The following EXPH5 variants were observed in gnomAD, a reference collection of about 807,000 sequenced individuals.
EXPH5 encodes exophilin 5, also known as exophilin-5.
Under a neutral mutation model 41.1 loss-of-function variants are expected in EXPH5, and 42 were observed. That is an observed-to-expected ratio of 1.02 (90% confidence interval 0.80 to 1.32). The LOEUF (loss-of-function observed/expected upper bound fraction) is 1.32, where lower values mean the gene tolerates loss of function less well. Among genes scored for constraint, EXPH5 ranks in the 40% most tolerant of loss-of-function variants. The pLI, the probability that EXPH5 is intolerant of heterozygous loss-of-function variation, is 0.00. For synonymous variants in EXPH5, 798 were observed against 833.5 expected (o/e 0.96, Z 0.73); for missense variants, 2,298 against 2,314.5 (o/e 0.99, Z 0.15).
At chr11:108,524,466 T>C (rs1353369953) in intron 4 of EXPH5, among the ~76,000 whole-genome samples, 5 of 152,224 alleles carry the variant, frequency 3.3e-5, no homozygotes, top group African/African-American at 1.2e-4. Flanking sequence ...GGTAGAAAAG[T>C]ATCCCACAGG....
chr11:108,575,182 T>C (rs377268418), intron 1 of EXPH5, among the ~76,000 whole-genome samples: 75 of 152,326 alleles, frequency 4.9e-4, no homozygotes, highest in African/African-American at 1.6e-3. Context: ...AATCACAGCA[T>C]TAGAAATTAA....
Position 108,512,483 on chromosome 11 carries a change from G to A in EXPH5, c.3024C>T (p.Ser1008=). 1 of 1,614,002 alleles carries A rather than the reference G, an allele frequency of 6.2e-7. No homozygotes were observed. Residue 1008 remains serine (S), a synonymous_variant, in exon 6 of 6, where the codon AGC becomes AGT. Coordinates refer to ENST00000265843, the MANE Select transcript of EXPH5 (RefSeq NM_015065.3). ...TGTCAAGTTCAGAAACTTTGGAATT[G>A]CTTTGATTTGCTTCAATGAGGCTCC... ...DHRSLIEANQ[S]NSKVSELDTI... is the part of the protein sequence containing the mutation.
intron 1 of EXPH5, among the ~76,000 whole-genome samples, chr11:108,585,346 G>A (rs2094110069): frequency 6.6e-6 from 1 of 152,242 alleles, no homozygotes. Flanking sequence ...TCAAGGTGAT[G>A]GTAGTAAGGG....
At chr11:108,583,672 C>CAAAAAAAAAAAAAAAA in intron 1 of EXPH5, among the ~76,000 whole-genome samples, 1 of 133,802 alleles carries the variant, frequency 7.5e-6, no homozygotes, top group African/African-American at 3.2e-5. Context: ...AAAAAATTAA[C>CAAAAAAAAAAAAAAAA]AAAAAAATAA....
At chr11:108,567,854 A>G (rs2094041350) in intron 1 of EXPH5, 1 of 152,184 alleles carries the variant, frequency 6.6e-6, no homozygotes, top group African/African-American at 2.4e-5. Context: ...ATATTTAAGC[A>G]AATTCTGGAA....
chr11:108,578,919 T>C (rs1211311906), intron 1 of EXPH5, among the ~76,000 whole-genome samples: 2 of 152,234 alleles, frequency 1.3e-5, no homozygotes, highest in Non-Finnish European at 2.9e-5. Context: ...TTTAGGATTT[T>C]TGTTTTAAAT....
intron 2 of EXPH5, among the ~76,000 whole-genome samples, chr11:108,540,000 A>G (rs2093903664): frequency 6.6e-6 from 1 of 152,180 alleles, no homozygotes; most frequent in African/African-American, 2.4e-5. Context: ...TCAAAAATTC[A>G]AAGGCAACAT....
chr11:108,599,022 C>CG, the EXPH5 span, among the ~76,000 whole-genome samples: 1 of 4,892 alleles, frequency 2.0e-4, no homozygotes, highest in African/African-American at 6.7e-4. Flanking sequence ...GTAAGCCCTC[C>CG]GGAAAAAGAG....
chr11:108,568,177 G>GGT lies in EXPH5; in HGVS notation c.119+25240_119+25241insAC, dbSNP rs1555198204. 2.7e-5 allele frequency: 4 copies of GGT among 147,196 alleles called. No homozygotes were observed. The East Asian group carries it at 7.9e-4, about 29-fold the overall frequency. The allele number at this position is 147,196 out of a possible 1,614,324, so 9.1% of individuals were successfully genotyped here. A position where few individuals can be genotyped will look rare whatever the true frequency, so the allele number is the denominator to read the frequency against. ...GAAATAAAGTGTCTTACTTTTTTTGGGAGGGGGGGAGGGCGTCTCAATAAT... is the reference window on the plus strand; with the variant it reads ...GAAATAAAGTGTCTTACTTTTTTTGGGTGAGGGGGGGAGGGCGTCTCAATAAT... On this transcript the variant is annotated intron_variant, in intron 1 of 5. Coordinates refer to ENST00000265843, the MANE Select transcript of EXPH5 (RefSeq NM_015065.3).
At chr11:108,583,371 CAA>C (rs1483749862) in intron 1 of EXPH5, among the ~76,000 whole-genome samples, 5 of 132,518 alleles carry the variant, frequency 3.8e-5, no homozygotes, top group African/African-American at 1.4e-4. Context: ...GATTCTGTCT[CAA>C]AAAAAAAAAT....
At position 108,510,305 on chromosome 11, in the gene EXPH5, G is replaced by A. The variant is rs774288841; in HGVS notation, c.5202C>T (p.Pro1734=). Residue 1734 remains proline (P), a synonymous_variant, in exon 6 of 6, where the codon CCC becomes CCT. Transcript: ENST00000265843. The part of the protein sequence containing the change: ...NLVRESGAPS[P]ITFTSLREAE... ...CTTCCCTGAGGCTGGTGAATGTGATGGGTGATGGGGCTCCTGATTCTCTTA... is the reference window on the plus strand; with the variant it reads ...CTTCCCTGAGGCTGGTGAATGTGATAGGTGATGGGGCTCCTGATTCTCTTA... 4 of 1,614,174 alleles carry A rather than the reference G, an allele frequency of 2.5e-6. No individual in the cohort carries two copies. Among genetic ancestry groups the A allele is most frequent in the Non-Finnish European group, 3.4e-6 (4 of 1,180,034 alleles).
rs1488659830 is a variant in EXPH5 at position 108,510,205 on chromosome 11, T to C, written c.5302A>G (p.Ser1768Gly). The C allele has an allele frequency of 1.2e-6, 2 of 1,613,990 alleles. No individual in the cohort carries two copies. The highest frequency in any genetic ancestry group is 1.1e-5 in the South Asian group (1 of 91,048). Residue 1768 changes from serine to glycine, a missense_variant, in exon 6 of 6, where the codon AGT becomes GGT. Transcript: ENST00000265843. ...LEPAQKSRVS[S>G]PLASFLQQQR... ...TGCTGCAGAAAACTGGCCAGTGGAC[T>C]GCTTACTCTAGATTTCTGTGCAGGC...
At position 108,574,078 on chromosome 11, in the gene EXPH5, T is replaced by TG. The variant is rs1448141574; in HGVS notation, c.119+19339_119+19340insC. Among the ~76,000 whole-genome samples, 11 of 107,892 alleles carry TG rather than the reference T, an allele frequency of 1.0e-4. No individual in the cohort carries two copies. In the South Asian group the frequency reaches 1.5e-3, roughly 15 times the overall value. The allele number at this position is 107,892 out of a possible 152,430, so 70.8% of individuals were successfully genotyped here. A position where few individuals can be genotyped will look rare whatever the true frequency, so the allele number is the denominator to read the frequency against. Reference sequence around the variant, plus strand: ...CACCACGCCCGGCTAATTTTGTGTGTTTTTTTTTTTTTAGTAGAGACGGGG... The same window carrying TG: ...CACCACGCCCGGCTAATTTTGTGTGTGTTTTTTTTTTTTAGTAGAGACGGGG... On this transcript the variant is annotated intron_variant, in intron 1 of 5. Coordinates refer to ENST00000265843, the MANE Select transcript of EXPH5 (RefSeq NM_015065.3).
Position 108,593,662 on chromosome 11 carries a change from G to C in EXPH5, c.-126C>G. ...CAGCCAATAATAAGTCCGCCCCTTT[G>C]AAAGTCTAAAACCACAAACCTAGGG... On this transcript the variant is annotated 5_prime_UTR_variant, in exon 1 of 6. Transcript: ENST00000265843. 1.3e-6 allele frequency: 2 copies of C among 1,573,676 alleles called. No homozygotes were observed. The highest frequency in any genetic ancestry group is 2.3e-5 in the South Asian group (2 of 88,046).
chr11:108,579,810 A>C (rs1205564693), intron 1 of EXPH5, among the ~76,000 whole-genome samples: 1 of 152,178 alleles, frequency 6.6e-6, no homozygotes, highest in African/African-American at 2.4e-5. Flanking sequence ...GTGCAAATGG[A>C]GAGAGTTCCA....
intron 1 of EXPH5, among the ~76,000 whole-genome samples, chr11:108,564,667 A>G (rs1333269159): frequency 6.6e-6 from 1 of 152,200 alleles, no homozygotes; most frequent in Non-Finnish European, 1.5e-5. Context: ...AAGGATGAAC[A>G]TGTTTTAATG....
intron 1 of EXPH5, among the ~76,000 whole-genome samples, chr11:108,554,975 G>A (rs992833831): frequency 1.3e-5 from 2 of 152,168 alleles, no homozygotes; most frequent in African/African-American, 4.8e-5. Context: ...TCCTTATCCT[G>A]TAAAGAAACT....
intron 1 of EXPH5, among the ~76,000 whole-genome samples, chr11:108,565,142 G>C (rs1461903326): frequency 6.6e-6 from 1 of 152,038 alleles, no homozygotes. Flanking sequence ...CTGACCTCAG[G>C]TGATCCGCCC....
At chr11:108,585,679 T>C (rs2136120717) in intron 1 of EXPH5, among the ~76,000 whole-genome samples, 1 of 152,334 alleles carries the variant, frequency 6.6e-6, no homozygotes, top group Non-Finnish European at 1.5e-5. Context: ...GAATGCAGAA[T>C]GGTACAGCTG....
Sources: gnomAD v4.1 joint callset for allele counts (sites outside exome capture counted in the v4.1 genomes callset) on GRCh38, gnomAD v4.1.1 for gene constraint, MANE v1.5 for transcripts, NCBI Gene and HGNC (gene_info 2026-07-23, HGNC 2026-07-21) for gene names.